ENTREP2: variants seen among roughly 807,000 people sequenced by gnomAD.
ENTREP2 encodes endosomal transmembrane epsin interactor 2, also known as protein ENTREP2.
chr15:29,548,679 A>C, the ENTREP2 span, among the ~76,000 whole-genome samples: 6 of 152,336 alleles, frequency 3.9e-5, no homozygotes, highest in African/African-American at 1.4e-4. Flanking sequence ...AAATCATAAG[A>C]GACTTCCAGC....
the ENTREP2 span, among the ~76,000 whole-genome samples, chr15:29,322,519 CTA>C: frequency 2.0e-4 from 30 of 152,254 alleles, no homozygotes; most frequent in Non-Finnish European, 2.9e-4. Context: ...CCCTAATTCA[CTA>C]TGGCAAAGGG....
chr15:29,311,720 G>C, the ENTREP2 span, among the ~76,000 whole-genome samples: 1 of 152,052 alleles, frequency 6.6e-6, no homozygotes, highest in African/African-American at 2.4e-5. Flanking sequence ...TCTTTAAAGG[G>C]AAGAAAATCC....
the ENTREP2 span, among the ~76,000 whole-genome samples, chr15:29,433,000 C>T: frequency 2.6e-5 from 4 of 152,210 alleles, no homozygotes; most frequent in Non-Finnish European, 5.9e-5. Context: ...GTAAGGCTCC[C>T]CTGGGTAAAG....
At chr15:29,639,960 G>T in the ENTREP2 span, among the ~76,000 whole-genome samples, 31 of 151,724 alleles carry the variant, frequency 2.0e-4, no homozygotes, top group Admixed American at 1.5e-3. Flanking sequence ...GTAGAGATGG[G>T]GTTTCACCAC....
the ENTREP2 span, among the ~76,000 whole-genome samples, chr15:29,361,504 G>A: frequency 6.6e-6 from 1 of 152,100 alleles, no homozygotes; most frequent in African/African-American, 2.4e-5. Flanking sequence ...ACAACTTTAT[G>A]TATCTTTAAC....
the ENTREP2 span, chr15:29,122,682 C>A: frequency 3.9e-5 from 6 of 152,246 alleles, no homozygotes; most frequent in Non-Finnish European, 5.9e-5. Context: ...CCTCCAACCC[C>A]CGCAACACCG....
the ENTREP2 span, among the ~76,000 whole-genome samples, chr15:29,319,081 C>T: frequency 9.4e-3 from 1,425 of 152,334 alleles, 27 homozygotes; most frequent in African/African-American, 0.033. Flanking sequence ...GCCATCTGCA[C>T]TGCATACTCA....
the ENTREP2 span, among the ~76,000 whole-genome samples, chr15:29,305,990 C>T: frequency 5.3e-5 from 8 of 152,184 alleles, no homozygotes; most frequent in African/African-American, 7.2e-5. Flanking sequence ...GCAGCTCTAC[C>T]GAACTGGAAG....
chr15:29,505,852 C>G, the ENTREP2 span, among the ~76,000 whole-genome samples: 1 of 152,230 alleles, frequency 6.6e-6, no homozygotes, highest in African/African-American at 2.4e-5. This position sits in a 1 kb window ranked among gnomAD's most constrained non-coding sequence, Gnocchi z 4.3. Flanking sequence ...AATGCCCCTT[C>G]TCCTCCAAAG....
chr15:29,145,635 A>AAC, the ENTREP2 span, among the ~76,000 whole-genome samples: 2 of 150,982 alleles, frequency 1.3e-5, no homozygotes, highest in African/African-American at 2.4e-5. Flanking sequence ...AAAAAAAAAA[A>AAC]AAAAAAAAAA....
chr15:29,630,632 C>T, the ENTREP2 span, among the ~76,000 whole-genome samples: 3,428 of 152,154 alleles, frequency 0.023, 85 homozygotes, highest in East Asian at 0.098. Flanking sequence ...TTGTCATTGT[C>T]CTGCAGGTTA....
chr15:29,343,523 G>C, the ENTREP2 span, among the ~76,000 whole-genome samples: 1 of 151,840 alleles, frequency 6.6e-6, no homozygotes, highest in South Asian at 2.1e-4. Context: ...TTTCAGGCCT[G>C]CCAGCCCCCA....
At chr15:29,512,728 C>G in the ENTREP2 span, among the ~76,000 whole-genome samples, 1 of 152,186 alleles carries the variant, frequency 6.6e-6, no homozygotes, top group African/African-American at 2.4e-5. Flanking sequence ...GACTTCTCAG[C>G]CTCCAGAACT....
the ENTREP2 span, among the ~76,000 whole-genome samples, chr15:29,455,287 C>A: frequency 6.6e-6 from 1 of 152,110 alleles, no homozygotes; most frequent in Non-Finnish European, 1.5e-5. Context: ...CATCAATGCA[C>A]GACCATGAAT....
At chr15:29,650,770 C>T in the ENTREP2 span, among the ~76,000 whole-genome samples, 1 of 152,106 alleles carries the variant, frequency 6.6e-6, no homozygotes, top group Non-Finnish European at 1.5e-5. Flanking sequence ...TTCTGTACTG[C>T]TTCTGAGGCA....
chr15:29,527,134 A>G, the ENTREP2 span, among the ~76,000 whole-genome samples: 1 of 151,904 alleles, frequency 6.6e-6, no homozygotes, highest in Non-Finnish European at 1.5e-5. Context: ...TGCTCTCCTG[A>G]GCTTCTAAAT....
the ENTREP2 span, among the ~76,000 whole-genome samples, chr15:29,468,497 C>A: frequency 4.6e-5 from 7 of 151,562 alleles, no homozygotes; most frequent in Admixed American, 4.6e-4. Context: ...GTAATCCCAG[C>A]TACTTGGGAG....
the ENTREP2 span, among the ~76,000 whole-genome samples, chr15:29,625,232 T>G: frequency 0.065 from 9,834 of 152,250 alleles, 370 homozygotes; most frequent in African/African-American, 0.096. Context: ...AGTAATATTT[T>G]CTTTTATGGA....
At chr15:29,175,280 C>T in the ENTREP2 span, among the ~76,000 whole-genome samples, 275 of 152,244 alleles carry the variant, frequency 1.8e-3, no homozygotes, top group Middle Eastern at 3.4e-3. Context: ...TGTACCTCAC[C>T]GGGTTCTTGT....
Sources: gnomAD v4.1 joint callset for allele counts (sites outside exome capture counted in the v4.1 genomes callset) on GRCh38, gnomAD v4.1.1 for gene constraint, Gnocchi (gnomAD v3.1) non-coding constraint, MANE v1.5 for transcripts, NCBI Gene and HGNC (gene_info 2026-07-23, HGNC 2026-07-21) for gene names.